The following ATP1B4 variants were observed in gnomAD, a reference collection of about 807,000 sequenced individuals.
The protein encoded by ATP1B4 is ATPase Na+/K+ transporting family member beta 4.
A neutral mutation model predicts 29.6 loss-of-function variants in ATP1B4; 32 were observed. That is an observed-to-expected ratio of 1.08 (90% CI 0.82 to 1.45). The LOEUF is 1.45. Among genes scored for constraint, ATP1B4 ranks in the 40% most tolerant of loss-of-function variants. The pLI, the probability that ATP1B4 is intolerant of heterozygous loss-of-function variation, is 0.00. For synonymous variants in ATP1B4, 127 were observed against 102.1 expected (o/e 1.24, Z -1.47); for missense variants, 323 against 276.2 (o/e 1.17, Z -1.20).
At chrX:120,375,713 TA>T (rs928306746) in intron 5 of ATP1B4, 145 bp downstream of exon 5, 6 of 452,542 alleles carry the variant, frequency 1.3e-5, no homozygotes, top group Non-Finnish European at 1.1e-5. Flanking sequence ...AATAACCAGA[TA>T]AACCTATCAA....
intron 2 of ATP1B4, among the ~76,000 whole-genome samples, 171 bp downstream of exon 2, chrX:120,366,960 A>G (rs2058289462): frequency 8.9e-6 from 1 of 112,803 alleles, no homozygotes; most frequent in Non-Finnish European, 1.9e-5. Flanking sequence ...ATTCCATCAG[A>G]ACAAACTCCA....
In ATP1B4 at chrX:120,380,660, G is replaced by A. The variant is rs1339087306; in HGVS notation, c.*1026G>A. 2.7e-5 allele frequency: 3 copies of A among 112,219 alleles called. No individual in the cohort carries two copies. The highest frequency in any genetic ancestry group is 9.5e-5 in the Admixed American group (1 of 10,555). The allele number at this position is 112,219 out of a possible 1,213,427, so 9.2% of individuals were successfully genotyped here. On this transcript the variant is annotated 3_prime_UTR_variant, in exon 8 of 8. Transcript: ENST00000218008. ...TGGGCTATTTGTTTGACAGTAGCATGATGTTTTTTGAGACCATCAGGGGTG... is the reference window on the plus strand; with the variant it reads ...TGGGCTATTTGTTTGACAGTAGCATAATGTTTTTTGAGACCATCAGGGGTG...
Position 120,376,431 on chromosome X carries a change from G to A in ATP1B4, c.811G>A (p.Val271Ile). ...AGATCCTGTGAAGGTTTCCTGCAAA[G>A]TTCAGGTAAAGAGTCCTTTTGAGTA... The part of the protein sequence containing the change: ...LGDPVKVSCK[V>I]QRGDENDIRS... The change falls in exon 6 of 8, where the codon GTT becomes ATT. Residue 271 changes from valine to isoleucine, a missense_variant. Val to Ile is a conservative substitution (Grantham distance 29). Coordinates refer to ENST00000218008, the MANE Select transcript of ATP1B4 (RefSeq NM_001142447.3). 1 of 1,208,385 alleles carries A rather than the reference G, an allele frequency of 8.3e-7. No homozygotes were observed. Among genetic ancestry groups the A allele is most frequent in the Non-Finnish European group, 1.1e-6 (1 of 892,555 alleles).
intron 5 of ATP1B4, 83 bp from the exon 6 acceptor site, chrX:120,376,297 G>C: frequency 1.1e-6 from 1 of 904,356 alleles, no homozygotes; most frequent in Non-Finnish European, 1.6e-6. Flanking sequence ...AGCATGACTG[G>C]GAGGAAGGTT....
intron 1 of ATP1B4, 40 bp downstream of exon 1, chrX:120,362,271 C>G (rs2147246385): frequency 8.7e-7 from 1 of 1,145,372 alleles, no homozygotes; most frequent in East Asian, 3.0e-5. Context: ...GCCCCCTCCC[C>G]TTTTATTTTA....
intron 2 of ATP1B4, 87 bp from the exon 3 acceptor site, chrX:120,370,628 T>A: frequency 9.2e-7 from 1 of 1,085,582 alleles, no homozygotes; most frequent in Admixed American, 2.7e-5. Flanking sequence ...TATTTCGTGG[T>A]TGGGTTTGTT....
chrX:120,375,811 A>G (rs2058351387), intron 5 of ATP1B4, among the ~76,000 whole-genome samples: 1 of 109,528 alleles, frequency 9.1e-6, no homozygotes, highest in African/African-American at 3.3e-5. Context: ...TTTGTCAAGA[A>G]TGGGGTCCTA....
Position 120,362,246 on chromosome X carries a change from G to C in ATP1B4, c.63+15G>C, listed in dbSNP as rs1430301857. ...GCTACAGACTCGTGAGTGCCAGAGAGCAGAATATTTTGCTGCCCCCTCCCC... is the reference window on the plus strand; with the variant it reads ...GCTACAGACTCGTGAGTGCCAGAGACCAGAATATTTTGCTGCCCCCTCCCC... On this transcript the variant is annotated intron_variant, in intron 1 of 7. Transcript: ENST00000218008. 1 of 1,205,037 alleles carries C rather than the reference G, an allele frequency of 8.3e-7. No individual in the cohort carries two copies. The highest frequency in any genetic ancestry group is 1.8e-5 in the South Asian group (1 of 56,812).
intron 3 of ATP1B4, 23 bp downstream of exon 3, chrX:120,370,866 T>G (rs1434007753): frequency 9.1e-6 from 11 of 1,202,966 alleles, no homozygotes; most frequent in Non-Finnish European, 1.1e-5. Flanking sequence ...AGATGCCCTG[T>G]GTTGTCAGAA....
Position 120,378,693 on chromosome X carries a change from G to C in ATP1B4, c.832G>C (p.Asp278His). 1 of 1,210,461 alleles carries C rather than the reference G, an allele frequency of 8.3e-7. No individual in the cohort carries two copies. The highest frequency in any genetic ancestry group is 1.1e-6 in the Non-Finnish European group (1 of 894,696). The change falls in exon 7 of 8, where the codon GAC (aspartate) becomes CAC (histidine). Residue 278 changes from aspartate to histidine, a missense_variant. Asp to His is a moderately conservative substitution (Grantham distance 81, BLOSUM62 -1). Coordinates refer to ENST00000218008, the MANE Select transcript of ATP1B4 (RefSeq NM_001142447.3). ...SCKVQRGDENDIRSISYYPES... is the reference protein window; with the variant it reads ...SCKVQRGDENHIRSISYYPES... ...TTGCTTACAGAGAGGTGATGAAAAT[G>C]ACATCCGATCCATCAGTTACTACCC...
intron 6 of ATP1B4, among the ~76,000 whole-genome samples, chrX:120,378,441 G>A (rs925846236): frequency 1.8e-5 from 2 of 111,301 alleles, no homozygotes; most frequent in African/African-American, 6.5e-5. Flanking sequence ...GTCCTCCTCA[G>A]TTCAGGCCTT....
chrX:120,370,689 C>T, intron 2 of ATP1B4, 26 bp from the exon 3 acceptor site: 1 of 1,206,982 alleles, frequency 8.3e-7, no homozygotes, highest in Non-Finnish European at 1.1e-6. Flanking sequence ...AAGCACTGAC[C>T]ACTCTCATCT....
chrX:120,372,212 C>T (rs142985728), intron 4 of ATP1B4, among the ~76,000 whole-genome samples: 38 of 110,535 alleles, frequency 3.4e-4, no homozygotes, highest in African/African-American at 1.1e-3. Flanking sequence ...AAGAGGAGCT[C>T]CAGTGGGGTT....
At chrX:120,374,247 G>A (rs866969800) in intron 4 of ATP1B4, among the ~76,000 whole-genome samples, 5 of 109,007 alleles carry the variant, frequency 4.6e-5, no homozygotes, top group Non-Finnish European at 9.5e-5. Flanking sequence ...TACCAGAGTC[G>A]GCCTCCAGCC....
intron 1 of ATP1B4, among the ~76,000 whole-genome samples, chrX:120,364,658 G>A (rs1176757891): frequency 1.8e-5 from 2 of 112,433 alleles, no homozygotes; most frequent in African/African-American, 6.5e-5. Flanking sequence ...ATTTTCCTAA[G>A]CCTTACACTG....
At chrX:120,365,320 T>C (rs748025908) in intron 1 of ATP1B4, among the ~76,000 whole-genome samples, 2 of 112,553 alleles carry the variant, frequency 1.8e-5, no homozygotes, top group South Asian at 7.4e-4. Context: ...AAGAGCTAGA[T>C]AGTGCTGTGC....
rs145284908 is a variant in ATP1B4, at chrX:120,366,614, G to A, written c.153G>A (p.Ser51=). Residue 51 remains serine, a synonymous_variant, in exon 2 of 8, where the codon TCG becomes TCA. Transcript: ENST00000218008. ...EEARVTVVPK[S]EEEEEEEEKE... Reference sequence around the variant, plus strand: ...CTCGGGTGACGGTGGTGCCCAAATCGGAGGAGGAGGAAGAAGAGGAGGAGA... The same window carrying A: ...CTCGGGTGACGGTGGTGCCCAAATCAGAGGAGGAGGAAGAAGAGGAGGAGA... The A allele has an allele frequency of 8.3e-6, 10 of 1,199,690 alleles. No homozygotes were observed. The highest frequency in any genetic ancestry group is 5.3e-5 in the African/African-American group (3 of 56,509).
Position 120,379,540 on chromosome X carries a change from T to C in ATP1B4, c.980T>C (p.Val327Ala). 1 of 1,211,362 alleles carries C rather than the reference T, an allele frequency of 8.3e-7. No homozygotes were observed. Among genetic ancestry groups the C allele is most frequent in the Non-Finnish European group, 1.1e-6 (1 of 895,054 alleles). ...TDVVKNQAVP[V>A]QCQLKGKGVI... Reference sequence around the variant, plus strand: ...GTGGTGAAGAACCAAGCAGTGCCTGTGCAGTGCCAACTGAAGGGCAAAGGC... The same window carrying C: ...GTGGTGAAGAACCAAGCAGTGCCTGCGCAGTGCCAACTGAAGGGCAAAGGC... The change falls in exon 8 of 8, where the codon GTG becomes GCG. Residue 327 changes from valine (V) to alanine (A), a missense_variant. Val to Ala is a moderately conservative substitution (Grantham distance 64, BLOSUM62 0). Coordinates refer to ENST00000218008, the MANE Select transcript of ATP1B4 (RefSeq NM_001142447.3).
chrX:120,371,090 C>T lies in ATP1B4; in HGVS notation c.458-16C>T. Reference sequence around the variant, plus strand: ...AAGAATGGGTTAATATATCCAAGACCTGTTTTCATTGCCAGGAGTTATGAT... The same window carrying T: ...AAGAATGGGTTAATATATCCAAGACTTGTTTTCATTGCCAGGAGTTATGAT... On this transcript the variant is annotated splice_polypyrimidine_tract_variant and intron_variant, in intron 3 of 7. Coordinates refer to ENST00000218008, the MANE Select transcript of ATP1B4 (RefSeq NM_001142447.3). 8.4e-7 allele frequency: 1 copy of T among 1,190,412 alleles called. No individual in the cohort carries two copies.
Sources: allele counts gnomAD v4.1 joint callset (sites outside exome capture counted in the v4.1 genomes callset), GRCh38; gene constraint gnomAD v4.1.1; transcripts MANE v1.5; gene names NCBI Gene and HGNC (gene_info 2026-07-23, HGNC 2026-07-21).